The following TGM5 variants were observed in gnomAD, a reference collection of about 807,000 sequenced individuals.
TGM5 encodes the protein transglutaminase 5.
In TGM5, 69 loss-of-function variants were observed where a neutral mutation model predicts 77.2. The observed-to-expected ratio is 0.89, with a 90% CI of 0.74 to 1.09. The LOEUF is 1.09. Ranked by LOEUF, TGM5 falls within the 50% of genes least tolerant of loss-of-function variation. The probability of loss-of-function intolerance (pLI) is 0.00; values close to 1 mark genes in which losing one functional copy is unlikely to be tolerated. For synonymous variants in TGM5, 346 were observed against 351.8 expected, an observed-to-expected ratio of 0.98 and a Z score of 0.18; for missense variants, 842 against 896.5, an observed-to-expected ratio of 0.94 and a Z score of 0.78.
At chr15:43,234,730 C>A in intron 11 of TGM5, 39 bp downstream of exon 11, 1 of 1,613,638 alleles carries the variant, frequency 6.2e-7, no homozygotes, top group Non-Finnish European at 8.5e-7. Flanking sequence ...CCGCCAGATC[C>A]AAGGAGCCCC....
chr15:43,265,057 G>A (rs1294001577), intron 1 of TGM5, among the ~76,000 whole-genome samples: 1 of 152,030 alleles, frequency 6.6e-6, no homozygotes, highest in Admixed American at 6.6e-5. Context: ...TCTTATTGAG[G>A]GCCTATCTAC....
Position 43,233,629 on chromosome 15 carries a change from G to T in TGM5, c.1934C>A (p.Pro645His). Residue 645 changes from proline to histidine, a missense_variant, in exon 12 of 13, where the codon CCC becomes CAC. By Grantham distance (77) the Pro-to-His change is moderately conservative. Around this residue, in one of 2 missense-constraint regions of TGM5, gnomAD observed 815 missense variants for 844.6 expected, o/e 0.96. Coordinates refer to ENST00000220420, the MANE Select transcript of TGM5 (RefSeq NM_201631.4). ...ACAGTCCTCAACCTGCTCCGAGAGG[G>T]GGTTTGAAAATATCACCTGTATGGA... ...PLSIQVIFSN[P>H]LSEQVEDCVL... 1.2e-6 allele frequency: 2 copies of T among 1,614,162 alleles called. No homozygotes were observed. The highest frequency in any genetic ancestry group is 1.7e-6 in the Non-Finnish European group (2 of 1,180,034).
intron 1 of TGM5, among the ~76,000 whole-genome samples, chr15:43,266,636 G>A (rs374378877): frequency 6.6e-6 from 1 of 152,196 alleles, no homozygotes; most frequent in Non-Finnish European, 1.5e-5. Context: ...GCTGTGTGCT[G>A]TGTTTACCTG....
rs1015599841 is a variant in TGM5 at position 43,256,699 on chromosome 15, G to A, written c.437-13C>T. On this transcript the variant is annotated splice_polypyrimidine_tract_variant and intron_variant, in intron 3 of 12. Transcript: ENST00000220420. The stretch of plus-strand genomic sequence containing the variant: ...TAGACAGCATCCTCTAGGAACCAGA[G>A]TGGGAGGGCACGAAGCAGAAAAGTC... The A allele has an allele frequency of 6.3e-6, 10 of 1,578,110 alleles. No individual in the cohort carries two copies. The highest frequency in any genetic ancestry group is 7.8e-6 in the Non-Finnish European group (9 of 1,147,570).
intron 7 of TGM5, among the ~76,000 whole-genome samples, chr15:43,240,382 G>C (rs1420718276): frequency 1.3e-5 from 2 of 152,160 alleles, no homozygotes; most frequent in Non-Finnish European, 2.9e-5. Context: ...GTTAGACTAA[G>C]CATAAAAATG....
chr15:43,249,224 C>T (rs2042688589), intron 6 of TGM5, among the ~76,000 whole-genome samples: 1 of 152,154 alleles, frequency 6.6e-6, no homozygotes, highest in African/African-American at 2.4e-5. Context: ...CAAGAATAGA[C>T]CAGGCATATT....
rs747990088 is a variant in TGM5, at chr15:43,266,215, TAATA to T, written c.10+621_10+624del. ...AAAACAAAAATTTAAACACAAAAAG[TAATA>T]AATAAAGGTAAGGTTGTTACAGTTG... is the stretch of plus-strand genomic sequence containing the variant. On this transcript the variant is annotated intron_variant, in intron 1 of 12. Transcript: ENST00000220420. Among the ~76,000 whole-genome samples, 9 of 152,288 alleles carry T rather than the reference TAATA, an allele frequency of 5.9e-5. No homozygotes were observed. The East Asian group carries it at 1.3e-3, about 23-fold the overall frequency.
chr15:43,256,008 T>C (rs1170179184), intron 4 of TGM5, among the ~76,000 whole-genome samples: 3 of 152,198 alleles, frequency 2.0e-5, no homozygotes, highest in African/African-American at 7.2e-5. Flanking sequence ...TAAACAAGCA[T>C]GTATTAACTT....
chr15:43,233,632 T>C lies in TGM5; in HGVS notation c.1931A>G (p.Asn644Ser). Residue 644 changes from asparagine to serine, a missense_variant, in exon 12 of 13, where the codon AAC becomes AGC. This residue lies in a region of TGM5 where 815 missense variants were observed against 844.6 expected (regional missense o/e 0.96). Transcript: ENST00000220420. Reference protein sequence around the residue: ...QPLSIQVIFSNPLSEQVEDCV... With the variant: ...QPLSIQVIFSSPLSEQVEDCV... ...GTCCTCAACCTGCTCCGAGAGGGGG[T>C]TTGAAAATATCACCTGTATGGAGAG... 1 of 1,614,116 alleles carries C rather than the reference T, an allele frequency of 6.2e-7. No individual in the cohort carries two copies. The highest frequency in any genetic ancestry group is 8.5e-7 in the Non-Finnish European group (1 of 1,180,022).
chr15:43,234,406 A>C (rs1418419081), intron 11 of TGM5, among the ~76,000 whole-genome samples: 2 of 152,198 alleles, frequency 1.3e-5, no homozygotes, highest in African/African-American at 2.4e-5. Context: ...ACAGCCAAAA[A>C]ATGGCAAATC....
intron 9 of TGM5, among the ~76,000 whole-genome samples, chr15:43,236,375 A>C (rs502157): frequency 0.53 from 80,038 of 152,140 alleles, 25,582 homozygotes; most frequent in Non-Finnish European, 0.68. Context: ...AAGCACAGTA[A>C]ATAAGTAAAT....
At chr15:43,252,999 G>T in intron 5 of TGM5, 63 bp from the exon 6 acceptor site, 1 of 1,572,924 alleles carries the variant, frequency 6.4e-7, no homozygotes, top group Non-Finnish European at 8.7e-7. Context: ...CCATGTGTGG[G>T]CTGCCTTGGA....
At chr15:43,235,366 T>G in intron 10 of TGM5, 103 bp downstream of exon 10, 1 of 1,502,086 alleles carries the variant, frequency 6.7e-7, no homozygotes, top group Non-Finnish European at 9.2e-7. Context: ...ACAGTAGAAA[T>G]GATGGTGTCT....
chr15:43,254,166 C>T (rs1040404957), intron 4 of TGM5, among the ~76,000 whole-genome samples: 2 of 152,210 alleles, frequency 1.3e-5, no homozygotes, highest in Non-Finnish European at 2.9e-5. Context: ...CCTCCTGGTC[C>T]TTCAGACTTG....
In TGM5 at chr15:43,235,749, C is replaced by T. The variant is rs372211358; in HGVS notation, c.1434G>A (p.Leu478=). Residue 478 remains leucine (L), a synonymous_variant, in exon 10 of 13, where the codon TTG becomes TTA. Transcript: ENST00000220420. ...TCAGTGATGTGGGCCTGGAAGGTTG[C>T]AACTCTGCTCCTCTTTGGGAGCCAT... ...SFHGSQRGAE[L]QPSRPTSLSQ... 3.1e-6 allele frequency: 5 copies of T among 1,614,034 alleles called. No individual in the cohort carries two copies. The highest frequency in any genetic ancestry group is 4.2e-6 in the Non-Finnish European group (5 of 1,180,040).
chr15:43,248,437 G>C (rs1050247558), intron 6 of TGM5, among the ~76,000 whole-genome samples: 11 of 152,200 alleles, frequency 7.2e-5, no homozygotes, highest in African/African-American at 2.7e-4. Flanking sequence ...CTCCCAAAGT[G>C]CTGGGATTAC....
At chr15:43,262,025 T>C (rs1421049901) in intron 1 of TGM5, among the ~76,000 whole-genome samples, 1 of 152,190 alleles carries the variant, frequency 6.6e-6, no homozygotes, top group East Asian at 1.9e-4. Flanking sequence ...ATTCCCAGCA[T>C]TGACCCTGTC....
Position 43,234,920 on chromosome 15 carries a change from T to G in TGM5, c.1724A>C (p.Tyr575Ser), listed in dbSNP as rs766079068. 1.2e-6 allele frequency: 2 copies of G among 1,613,970 alleles called. No homozygotes were observed. The highest frequency in any genetic ancestry group is 4.5e-5 in the East Asian group (2 of 44,872). Residue 575 changes from tyrosine to serine, a missense_variant, in exon 11 of 13, where the codon TAC (tyrosine) becomes TCC (serine). Tyr to Ser is a moderately radical substitution (Grantham distance 144, BLOSUM62 -2). This residue lies in a region of TGM5 where 815 missense variants were observed against 844.6 expected (regional missense o/e 0.96). Coordinates refer to ENST00000220420, the MANE Select transcript of TGM5 (RefSeq NM_201631.4). ...CTGGGAATAGGAGATTTTGCAGGGG[T>G]AGGTCTTTGCTAAAGAAAGAACACA... Reference protein sequence around the residue: ...ITLSPKEAKTYPCKISYSQYS... With the variant: ...ITLSPKEAKTSPCKISYSQYS...
intron 3 of TGM5, among the ~76,000 whole-genome samples, chr15:43,257,031 C>T (rs192321700): frequency 1.0e-3 from 153 of 152,266 alleles, no homozygotes; most frequent in African/African-American, 3.5e-3. Context: ...TTGAACACAG[C>T]CGATTGATTC....
Sources: allele counts gnomAD v4.1 joint callset (sites outside exome capture counted in the v4.1 genomes callset), GRCh38; gene constraint gnomAD v4.1.1; regional missense constraint gnomAD v4.1.1; transcripts MANE v1.5; gene names NCBI Gene and HGNC (gene_info 2026-07-23, HGNC 2026-07-21).